The following NELL2 variants were observed in gnomAD, a reference collection of about 807,000 sequenced individuals.
NELL2 encodes the protein neural EGFL like 2.
A neutral mutation model predicts 109.6 loss-of-function variants in NELL2; 41 were observed. The ratio of observed to expected loss-of-function variants is 0.37; its 90% CI spans 0.29 to 0.49. The LOEUF is 0.49. Ranked by LOEUF, NELL2 falls within the 20% of genes least tolerant of loss-of-function variation. The pLI is 0.98. For missense variants in NELL2, 900 were observed against 1,008.3 expected (o/e 0.89, Z 1.45); for synonymous variants, 355 against 344.7 (o/e 1.03, Z -0.33).
At chr12:44,695,302 A>AG (rs1489420424) in intron 12 of NELL2, among the ~76,000 whole-genome samples, 1 of 152,142 alleles carries the variant, frequency 6.6e-6, no homozygotes, top group East Asian at 1.9e-4. Flanking sequence ...AAAAAAAAAA[A>AG]AAAAGAAGAA....
intron 13 of NELL2, among the ~76,000 whole-genome samples, chr12:44,664,557 T>A (rs1180923638): frequency 6.6e-6 from 1 of 152,002 alleles, no homozygotes; most frequent in East Asian, 1.9e-4. Context: ...AGATTCATAT[T>A]TTTACTAGGG....
intron 2 of NELL2, among the ~76,000 whole-genome samples, chr12:44,872,512 AG>A (rs1445938007): frequency 6.6e-6 from 1 of 152,158 alleles, no homozygotes; most frequent in African/African-American, 2.4e-5. Flanking sequence ...GAGTTTCAAA[AG>A]GTATTGAATT....
chr12:44,685,435 G>C lies in NELL2; in HGVS notation c.1318+18291C>G, dbSNP rs371501887. Among the ~76,000 whole-genome samples the C allele has an allele frequency of 7.9e-5, 12 of 152,056 alleles. No individual in the cohort carries two copies. In the East Asian group the frequency reaches 2.3e-3, roughly 29 times the overall value. On this transcript the variant is annotated intron_variant, in intron 12 of 19. Coordinates refer to ENST00000429094, the MANE Select transcript of NELL2 (RefSeq NM_001145108.2). ...TGACATTTAAAGTTAATATTGTTAT[G>C]TGTGAATTTGATCCAGTCATTATGA...
rs796397797 is a variant in NELL2, at chr12:44,527,322, A to T, written c.1805-3838T>A. 1.4e-4 allele frequency among the ~76,000 whole-genome samples: 21 copies of T among 152,320 alleles called. 2 individuals carry two copies. Among genetic ancestry groups the T allele is most frequent in the African/African-American group, 4.6e-4 (19 of 41,574 alleles). On this transcript the variant is annotated intron_variant, in intron 16 of 19. Transcript: ENST00000429094. ...CATAAATATATTTATGTGGAAAAAG[A>T]TACTGGACTGTGTCTCAGACAGAGA...
At chr12:44,561,124 C>T (rs1324946663) in intron 15 of NELL2, among the ~76,000 whole-genome samples, 1 of 152,208 alleles carries the variant, frequency 6.6e-6, no homozygotes, top group Non-Finnish European at 1.5e-5. Flanking sequence ...CAATAAAATT[C>T]AGCACCGCTT....
At chr12:44,866,654 C>T (rs2136822312) in intron 2 of NELL2, among the ~76,000 whole-genome samples, 1 of 151,578 alleles carries the variant, frequency 6.6e-6, no homozygotes, top group East Asian at 1.9e-4. Context: ...ATGAGAGAGA[C>T]TAAAATTAAT....
At chr12:44,807,982 T>C (rs549069480) in intron 3 of NELL2, among the ~76,000 whole-genome samples, 52 of 152,218 alleles carry the variant, frequency 3.4e-4, no homozygotes, top group African/African-American at 1.2e-3. Context: ...GGTCTTGCAA[T>C]GGCCTAAGAT....
chr12:44,894,381 G>GA (rs80274307), intron 1 of NELL2, among the ~76,000 whole-genome samples: 1,605 of 151,956 alleles, frequency 0.011, 31 homozygotes, highest in East Asian at 0.048. Flanking sequence ...AGAAATGGAA[G>GA]AAAAAAAATG....
intron 9 of NELL2, among the ~76,000 whole-genome samples, chr12:44,730,575 C>G (rs999729808): frequency 6.6e-6 from 1 of 151,862 alleles, no homozygotes; most frequent in Non-Finnish European, 1.5e-5. Flanking sequence ...TTTTAAAATA[C>G]CTTGAGACAA....
chr12:44,876,833 T>C, upstream of NELL2: 4 of 1,321,712 alleles, frequency 3.0e-6, no homozygotes, highest in South Asian at 8.4e-5. Context: ...GAGGTGGAGC[T>C]GGGCAAAGTA....
chr12:44,764,515 T>C (rs1352219924), intron 9 of NELL2, among the ~76,000 whole-genome samples: 1 of 152,226 alleles, frequency 6.6e-6, no homozygotes, highest in Non-Finnish European at 1.5e-5. Flanking sequence ...ACTAAACATA[T>C]GGGTAATTAA....
intron 15 of NELL2, among the ~76,000 whole-genome samples, chr12:44,563,954 G>T (rs944176785): frequency 6.6e-6 from 1 of 152,112 alleles, no homozygotes; most frequent in Non-Finnish European, 1.5e-5. Context: ...TAAGTTTACT[G>T]CAGGTCAATA....
chr12:44,811,172 G>C (rs1345112530), intron 3 of NELL2, among the ~76,000 whole-genome samples: 3 of 151,536 alleles, frequency 2.0e-5, no homozygotes, highest in Non-Finnish European at 4.4e-5. Flanking sequence ...ACTGGGCCTC[G>C]CAAGGGGTCA....
chr12:44,688,671 TAGAC>T (rs2136390583), intron 12 of NELL2, among the ~76,000 whole-genome samples: 1 of 152,336 alleles, frequency 6.6e-6, no homozygotes, highest in Non-Finnish European at 1.5e-5. Flanking sequence ...TTGTCACAGA[TAGAC>T]AGATTTTGAT....
intron 12 of NELL2, among the ~76,000 whole-genome samples, chr12:44,670,959 A>G (rs1369916917): frequency 6.6e-6 from 1 of 152,206 alleles, no homozygotes; most frequent in African/African-American, 2.4e-5. Context: ...GTTAACATTT[A>G]CAGAAAATTT....
intron 13 of NELL2, among the ~76,000 whole-genome samples, chr12:44,642,175 G>A (rs906644078): frequency 8.5e-5 from 13 of 152,252 alleles, no homozygotes; most frequent in African/African-American, 3.1e-4. Flanking sequence ...CAGGTGCAAT[G>A]TGCTGCTAGC....
In NELL2 at chr12:44,610,865, T is replaced by G. The variant is rs1945593899; in HGVS notation, c.1550A>C (p.Asn517Thr). 5 of 1,613,066 alleles carry G rather than the reference T, an allele frequency of 3.1e-6. No individual in the cohort carries two copies. Among genetic ancestry groups the G allele is most frequent in the Non-Finnish European group, 4.2e-6 (5 of 1,179,266 alleles). The change falls in exon 14 of 20, where the codon AAT (asparagine) becomes ACT (threonine). Residue 517 changes from asparagine to threonine, a missense_variant. This residue lies in a region of NELL2 where 333 missense variants were observed against 432.3 expected (regional missense o/e 0.77). Transcript: ENST00000429094. ...NCVCKPGYTG[N>T]GTTCKAFCKD... ...CCTTTTACCTTTGCATGTCGTTCCATTCCCTGTATAGCCCGGCTTGCAAAC... is the reference window on the plus strand; with the variant it reads ...CCTTTTACCTTTGCATGTCGTTCCAGTCCCTGTATAGCCCGGCTTGCAAAC...
At chr12:44,640,227 C>T (rs931622933) in intron 13 of NELL2, among the ~76,000 whole-genome samples, 1 of 152,106 alleles carries the variant, frequency 6.6e-6, no homozygotes, top group African/African-American at 2.4e-5. Flanking sequence ...ATTTATTGCA[C>T]ACTTGCTATG....
chr12:44,524,196 C>T (rs1006272491), intron 16 of NELL2, among the ~76,000 whole-genome samples: 14 of 152,236 alleles, frequency 9.2e-5, no homozygotes, highest in African/African-American at 3.4e-4. Flanking sequence ...ACTGCCCATA[C>T]TTCACCTGGC....
Sources: gnomAD v4.1 joint callset for allele counts (sites outside exome capture counted in the v4.1 genomes callset) on GRCh38, gnomAD v4.1.1 for gene constraint, gnomAD v4.1.1 regional missense constraint, MANE v1.5 for transcripts, NCBI Gene and HGNC (gene_info 2026-07-23, HGNC 2026-07-21) for gene names.